KIAA0825: variants seen among roughly 807,000 people sequenced by gnomAD.
The protein encoded by KIAA0825 is uncharacterized protein KIAA0825.
In KIAA0825, 119 loss-of-function variants were observed where a neutral mutation model predicts 147.6. The ratio of observed to expected loss-of-function variants is 0.81; its 90% CI spans 0.69 to 0.94. The LOEUF is 0.94. Among genes scored for constraint, KIAA0825 ranks in the 40% least tolerant of loss-of-function variants. KIAA0825 has a pLI of 0.00. For missense variants in KIAA0825, 1,381 were observed against 1,472.7 expected, an observed-to-expected ratio of 0.94 and a Z score of 1.02; for synonymous variants, 470 against 518.1, an observed-to-expected ratio of 0.91 and a Z score of 1.26.
At chr5:94,443,622 A>G (rs996128084) in intron 13 of KIAA0825, among the ~76,000 whole-genome samples, 6 of 152,180 alleles carry the variant, frequency 3.9e-5, no homozygotes, top group African/African-American at 1.4e-4. Context: ...AAACTATTAA[A>G]CTATTTTTAT....
At chr5:94,449,383 T>A (rs954990385) in intron 13 of KIAA0825, among the ~76,000 whole-genome samples, 1 of 152,102 alleles carries the variant, frequency 6.6e-6, no homozygotes, top group Non-Finnish European at 1.5e-5. Flanking sequence ...ACTAAGGTTG[T>A]TATAATGGGG....
intron 8 of KIAA0825, among the ~76,000 whole-genome samples, chr5:94,473,031 G>A (rs1244913222): frequency 6.6e-6 from 1 of 152,050 alleles, no homozygotes; most frequent in Non-Finnish European, 1.5e-5. Context: ...GTTTTCCCAG[G>A]GTTTCCCAGC....
intron 20 of KIAA0825, among the ~76,000 whole-genome samples, chr5:94,249,323 C>T (rs1039388574): frequency 1.3e-5 from 2 of 152,056 alleles, no homozygotes; most frequent in African/African-American, 4.8e-5. Flanking sequence ...AGTGCCAGCC[C>T]TATATACCCA....
intron 2 of KIAA0825, among the ~76,000 whole-genome samples, chr5:94,574,645 C>T (rs952216139): frequency 3.3e-5 from 5 of 151,830 alleles, no homozygotes; most frequent in African/African-American, 1.2e-4. Context: ...TATCTCCCTG[C>T]TGTTTCACAA....
At chr5:94,336,136 G>A (rs1359944921) in intron 20 of KIAA0825, among the ~76,000 whole-genome samples, 1 of 152,164 alleles carries the variant, frequency 6.6e-6, no homozygotes, top group African/African-American at 2.4e-5. Flanking sequence ...TAGGGAGGCT[G>A]AGGCGGGTGG....
At chr5:94,408,246 A>G (rs1221746102) in intron 15 of KIAA0825, among the ~76,000 whole-genome samples, 1 of 152,236 alleles carries the variant, frequency 6.6e-6, no homozygotes, top group Non-Finnish European at 1.5e-5. Context: ...ATTTTGGAGT[A>G]TAAATTCCAG....
In KIAA0825 at chr5:94,205,370, C is replaced by T. The variant is rs992738686; in HGVS notation, c.3711-51246G>A. Among the ~76,000 whole-genome samples the T allele has an allele frequency of 2.0e-4, 30 of 148,842 alleles. No individual in the cohort carries two copies. In the East Asian group the frequency reaches 5.0e-3, roughly 25 times the overall value. ...AGGATGGAGTGTTGTGGCGTGATCT[C>T]GGCTCACTGCAACCTCCGCCTCCTG... is the stretch of plus-strand genomic sequence containing the variant. On this transcript the variant is annotated intron_variant, in intron 20 of 20. Transcript: ENST00000682413.
chr5:94,500,560 G>A (rs1041217263), intron 5 of KIAA0825, among the ~76,000 whole-genome samples: 1 of 152,110 alleles, frequency 6.6e-6, no homozygotes, highest in African/African-American at 2.4e-5. Flanking sequence ...AGGGAATGGT[G>A]AGGAGTTCTG....
intron 20 of KIAA0825, among the ~76,000 whole-genome samples, chr5:94,278,886 T>G (rs1267685470): frequency 6.6e-6 from 1 of 152,102 alleles, no homozygotes; most frequent in African/African-American, 2.4e-5. Flanking sequence ...TTATGGGAAG[T>G]CATTATGTAA....
intron 20 of KIAA0825, among the ~76,000 whole-genome samples, chr5:94,298,383 A>G (rs1778238905): frequency 6.6e-6 from 1 of 152,206 alleles, no homozygotes; most frequent in South Asian, 2.1e-4. Context: ...TCCATAGTTT[A>G]GCTATGATAA....
chr5:94,559,996 A>C (rs1331808362), intron 2 of KIAA0825, among the ~76,000 whole-genome samples: 1 of 152,198 alleles, frequency 6.6e-6, no homozygotes, highest in Non-Finnish European at 1.5e-5. Flanking sequence ...GGAAAGATTA[A>C]CTCAGAGTCT....
At chr5:94,204,312 A>T (rs927753242) in intron 20 of KIAA0825, among the ~76,000 whole-genome samples, 9 of 152,184 alleles carry the variant, frequency 5.9e-5, no homozygotes, top group Non-Finnish European at 1.2e-4. Context: ...TCAAGTTCAC[A>T]TTAAAGTAGT....
chr5:94,512,753 C>T lies in KIAA0825; in HGVS notation c.970+7495G>A, dbSNP rs543696942. Among the ~76,000 whole-genome samples the T allele has an allele frequency of 5.7e-4, 87 of 151,888 alleles. 2 individuals are homozygous for T. Among genetic ancestry groups the T allele is most frequent in the Non-Finnish European group, 3.2e-4 (22 of 67,976 alleles). On this transcript the variant is annotated intron_variant, in intron 5 of 20. Coordinates refer to ENST00000682413, the MANE Select transcript of KIAA0825 (RefSeq NM_001145678.3). ...TCTACTAAAAATACAAAATAATAGC[C>T]GGGCATGGTGGCAGGAGCCTGTAGT...
chr5:94,315,452 A>G (rs1174998537), intron 20 of KIAA0825, among the ~76,000 whole-genome samples: 1 of 151,632 alleles, frequency 6.6e-6, no homozygotes, highest in Non-Finnish European at 1.5e-5. Flanking sequence ...GTTGAATGCT[A>G]TAGCAGTTGG....
chr5:94,531,250 C>G (rs776924580), intron 3 of KIAA0825, among the ~76,000 whole-genome samples: 5 of 152,140 alleles, frequency 3.3e-5, no homozygotes, highest in Non-Finnish European at 5.9e-5. Context: ...AAGCAGAGGT[C>G]TACAGGAAAC....
chr5:94,342,109 T>A (rs1782455839), intron 20 of KIAA0825, among the ~76,000 whole-genome samples: 1 of 151,454 alleles, frequency 6.6e-6, no homozygotes, highest in Non-Finnish European at 1.5e-5. Context: ...GGCAGGAGAA[T>A]GGCATGAACC....
At chr5:94,294,197 T>A (rs1262593565) in intron 20 of KIAA0825, among the ~76,000 whole-genome samples, 1 of 152,222 alleles carries the variant, frequency 6.6e-6, no homozygotes, top group Non-Finnish European at 1.5e-5. Flanking sequence ...ATTTTGCCCA[T>A]TAGTTGATGC....
chr5:94,509,039 T>C (rs1311529237), intron 5 of KIAA0825, among the ~76,000 whole-genome samples: 1 of 152,198 alleles, frequency 6.6e-6, no homozygotes, highest in Non-Finnish European at 1.5e-5. Flanking sequence ...CTCTGTCTTA[T>C]CAAGATGATA....
At chr5:94,276,776 AGG>A (rs946340806) in intron 20 of KIAA0825, among the ~76,000 whole-genome samples, 5 of 152,094 alleles carry the variant, frequency 3.3e-5, no homozygotes, top group Admixed American at 6.6e-5. Context: ...AGGAATAGAG[AGG>A]GCCTGCTATC....
Sources: allele counts gnomAD v4.1 joint callset (sites outside exome capture counted in the v4.1 genomes callset), GRCh38; gene constraint gnomAD v4.1.1; transcripts MANE v1.5; gene names NCBI Gene and HGNC (gene_info 2026-07-23, HGNC 2026-07-21).